Variants in KCNQ1OT1 observed in about 807,000 individuals in gnomAD.
The protein encoded by KCNQ1OT1 is KCNQ1 antisense RNA 2 (non-protein coding).
At chr11:2,666,860 G>A in exon 1 of KCNQ1OT1, 1 of 398,634 alleles carries the variant, frequency 2.5e-6, no homozygotes, top group Non-Finnish European at 4.4e-6. Context: ...ATGAGTGAGG[G>A]GCTTGTCAAG....
At chr11:2,648,002 C>G (rs1849692539) in exon 1 of KCNQ1OT1, 1 of 397,272 alleles carries the variant, frequency 2.5e-6, no homozygotes, top group Non-Finnish European at 4.4e-6. Context: ...TCGCTTGAGT[C>G]CAGGAGTTTG....
exon 1 of KCNQ1OT1, chr11:2,656,383 T>C (rs1281774460): frequency 7.5e-6 from 3 of 398,550 alleles, no homozygotes; most frequent in Non-Finnish European, 1.3e-5. Flanking sequence ...CTGGTCTCTC[T>C]AAGGATGTCA....
rs1397048258 is a variant in KCNQ1OT1 at position 2,620,685 on chromosome 11, T to C, written n.79310A>G. On this transcript the variant is annotated non_coding_transcript_exon_variant, in exon 1 of 1. Transcript: ENST00000597346. This position sits in a 1 kb window ranked among gnomAD's most constrained non-coding sequence, Gnocchi z 4.5. ...TGTGTCTTTTTGATAGAACAATTTA[T>C]TTTCCTTTGAATATATATCCAGTAA... The C allele has an allele frequency of 2.5e-6, 1 of 398,484 alleles. No homozygotes were observed. The highest frequency in any genetic ancestry group is 4.4e-6 in the Non-Finnish European group (1 of 226,068). 24.7% of individuals were successfully genotyped at this position (398,484 alleles called of 1,614,324 possible).
In KCNQ1OT1 at chr11:2,678,918, G is replaced by C. The variant is rs1850340519; in HGVS notation, n.21077C>G. 2.5e-6 allele frequency: 1 copy of C among 398,432 alleles called. No homozygotes were observed. The highest frequency in any genetic ancestry group is 4.4e-6 in the Non-Finnish European group (1 of 226,072). 24.7% of individuals were successfully genotyped at this position (398,432 alleles called of 1,614,324 possible). ...GTATACATGTATGATCATACTTTCA[G>C]GGCATCTTGGAAAAACTGAATTTGC... is the stretch of plus-strand genomic sequence containing the variant. On this transcript the variant is annotated non_coding_transcript_exon_variant, in exon 1 of 1. Coordinates refer to ENST00000597346, the Ensembl canonical transcript of KCNQ1OT1. This position sits in a 1 kb window ranked among gnomAD's most constrained non-coding sequence, Gnocchi z 4.9.
rs183581027 is a variant in KCNQ1OT1, at chr11:2,664,985, C to G, written n.35010G>C. Reference sequence around the variant, plus strand: ...TTACGGGAAGGTCCCTGGGGCTGGGCGAAGCTCCTCTTTCCGGGGCCTGTT... The same window carrying G: ...TTACGGGAAGGTCCCTGGGGCTGGGGGAAGCTCCTCTTTCCGGGGCCTGTT... On this transcript the variant is annotated non_coding_transcript_exon_variant, in exon 1 of 1. Transcript: ENST00000597346. The surrounding 1 kb of genome is among the most constrained non-coding windows in gnomAD (Gnocchi z 5.1). 2 of 398,452 alleles carry G rather than the reference C, an allele frequency of 5.0e-6. No individual in the cohort carries two copies. The highest frequency in any genetic ancestry group is 8.8e-6 in the Non-Finnish European group (2 of 226,112). The allele number at this position is 398,452 out of a possible 1,614,324, so 24.7% of individuals were successfully genotyped here.
At chr11:2,660,432 A>G (rs1459970544) in exon 1 of KCNQ1OT1, 1 of 398,490 alleles carries the variant, frequency 2.5e-6, no homozygotes, top group East Asian at 3.6e-5. Context: ...AACATAAAAC[A>G]TTTTCTAGGA....
exon 1 of KCNQ1OT1, chr11:2,693,661 C>T: frequency 2.5e-6 from 1 of 398,652 alleles, no homozygotes; most frequent in East Asian, 3.6e-5. Context: ...GCTTTTAGTT[C>T]CGCAGACAGA....
In KCNQ1OT1 at chr11:2,623,845, A is replaced by G. The variant is rs1190538811; in HGVS notation, n.76150T>C. 2.5e-6 allele frequency: 1 copy of G among 398,454 alleles called. No homozygotes were observed. The highest frequency in any genetic ancestry group is 4.4e-5 in the Admixed American group (1 of 22,716). The allele number at this position is 398,454 out of a possible 1,614,324, so 24.7% of individuals were successfully genotyped here. On this transcript the variant is annotated non_coding_transcript_exon_variant, in exon 1 of 1. Coordinates refer to ENST00000597346, the Ensembl canonical transcript of KCNQ1OT1. This position sits in a 1 kb window ranked among gnomAD's most constrained non-coding sequence, Gnocchi z 5.2. ...TGTTTAATTTTATAAGAAACCACTG[A>G]TTTCGATATACTCTGGATTCTTCGG...
exon 1 of KCNQ1OT1, chr11:2,630,780 ACTC>A: frequency 2.5e-6 from 1 of 397,814 alleles, no homozygotes; most frequent in Non-Finnish European, 4.4e-6. Context: ...TTGCTGATAA[ACTC>A]CTTCAACTTT....
In KCNQ1OT1 at chr11:2,647,808, C is replaced by A; in HGVS notation, n.52187G>T. The A allele has an allele frequency of 2.5e-6, 1 of 398,404 alleles. No individual in the cohort carries two copies. Among genetic ancestry groups the A allele is most frequent in the Non-Finnish European group, 4.4e-6 (1 of 226,026 alleles). 24.7% of individuals were successfully genotyped at this position (398,404 alleles called of 1,614,324 possible). A position where few individuals can be genotyped will look rare whatever the true frequency, so the allele number is the denominator to read the frequency against. On this transcript the variant is annotated non_coding_transcript_exon_variant, in exon 1 of 1. Transcript: ENST00000597346. The surrounding 1 kb of genome is among the most constrained non-coding windows in gnomAD (Gnocchi z 4.0). ...GTTGTTCATAATGGTCTCTAATAAT[C>A]TTTTGTATTTCTGTGGTGTCCATTG...
Position 2,668,780 on chromosome 11 carries a change from G to C in KCNQ1OT1, n.31215C>G. On this transcript the variant is annotated non_coding_transcript_exon_variant, in exon 1 of 1. Coordinates refer to ENST00000597346, the Ensembl canonical transcript of KCNQ1OT1. The surrounding 1 kb of genome is among the most constrained non-coding windows in gnomAD (Gnocchi z 4.3). ...TCTTCCTCTCTTGATGGTGTCTTTT[G>C]ATGAACAGAAGGTCTTAATTTTCAT... The C allele has an allele frequency of 2.5e-6, 1 of 398,560 alleles. No homozygotes were observed. 24.7% of individuals were successfully genotyped at this position (398,560 alleles called of 1,614,324 possible). A position where few individuals can be genotyped will look rare whatever the true frequency, so the allele number is the denominator to read the frequency against.
exon 1 of KCNQ1OT1, chr11:2,643,778 G>A (rs966851910): frequency 7.5e-6 from 3 of 398,450 alleles, no homozygotes; most frequent in African/African-American, 2.1e-5. Context: ...TAGTGCCAGT[G>A]TAGTGGCAAT....
In KCNQ1OT1 at chr11:2,682,117, CAGG is replaced by C. The variant is rs369144101; in HGVS notation, n.17875_17877del. On this transcript the variant is annotated non_coding_transcript_exon_variant, in exon 1 of 1. Transcript: ENST00000597346. This position sits in a 1 kb window ranked among gnomAD's most constrained non-coding sequence, Gnocchi z 5.8. ...ACAAAGCTAGGGAGCCGTGGATCTG[CAGG>C]AGATGTCCCAGCTCATCAAATATTC... The C allele has an allele frequency of 1.5e-5, 6 of 398,492 alleles. No homozygotes were observed. Among genetic ancestry groups the C allele is most frequent in the South Asian group, 1.3e-4 (1 of 7,862 alleles). The allele number at this position is 398,492 out of a possible 1,614,324, so 24.7% of individuals were successfully genotyped here.
chr11:2,656,546 C>T, exon 1 of KCNQ1OT1: 1 of 398,698 alleles, frequency 2.5e-6, no homozygotes, highest in Non-Finnish European at 4.4e-6. Flanking sequence ...GGCGCAACAC[C>T]TTTCCACATG....
At chr11:2,681,468 G>A (rs375784153) in exon 1 of KCNQ1OT1, 30 of 398,534 alleles carry the variant, frequency 7.5e-5, no homozygotes, top group African/African-American at 5.7e-4. Flanking sequence ...AATGGCCTCA[G>A]GCTCCCTAGA....
In KCNQ1OT1 at chr11:2,661,891, A is replaced by G; in HGVS notation, n.38104T>C. The stretch of plus-strand genomic sequence containing the variant: ...TCCTCACCTGGCCCTGGGAGCTCAC[A>G]GGCCTGGCTCCACAGCACTGGCAGG... On this transcript the variant is annotated non_coding_transcript_exon_variant, in exon 1 of 1. Coordinates refer to ENST00000597346, the Ensembl canonical transcript of KCNQ1OT1. This position sits in a 1 kb window ranked among gnomAD's most constrained non-coding sequence, Gnocchi z 5.9. The G allele has an allele frequency of 6.2e-7, 1 of 1,600,868 alleles. No homozygotes were observed. The highest frequency in any genetic ancestry group is 8.6e-7 in the Non-Finnish European group (1 of 1,168,838).
rs893042078 is a variant in KCNQ1OT1 at position 2,620,247 on chromosome 11, G to A, written n.79748C>T. On this transcript the variant is annotated non_coding_transcript_exon_variant, in exon 1 of 1. Coordinates refer to ENST00000597346, the Ensembl canonical transcript of KCNQ1OT1. This position sits in a 1 kb window ranked among gnomAD's most constrained non-coding sequence, Gnocchi z 4.5. ...TTATTTTTTTTTTAGACGGAGTTTC[G>A]CTCTTGTTGCCCAGGCTGGAGGGCA... The A allele has an allele frequency of 3.0e-5, 7 of 229,586 alleles. No individual in the cohort carries two copies. The highest frequency in any genetic ancestry group is 1.7e-4 in the Admixed American group (3 of 17,228). The allele number at this position is 229,586 out of a possible 1,614,324, so 14.2% of individuals were successfully genotyped here.
chr11:2,675,603 T>TC, exon 1 of KCNQ1OT1: 2 of 398,636 alleles, frequency 5.0e-6, no homozygotes, highest in African/African-American at 4.1e-5. Context: ...CAATTGCTCC[T>TC]CAGATAGGGT....
chr11:2,631,590 A>T, exon 1 of KCNQ1OT1: 1 of 398,548 alleles, frequency 2.5e-6, no homozygotes, highest in Non-Finnish European at 4.4e-6. Context: ...CTTGGGAGTC[A>T]GTCCCTGAAA....
Sources: allele counts gnomAD v4.1 joint callset, GRCh38; gene constraint gnomAD v4.1.1; non-coding constraint Gnocchi (gnomAD v3.1); transcripts MANE v1.5; gene names NCBI Gene and HGNC (gene_info 2026-07-23, HGNC 2026-07-21).